The following LRRTM4 variants were observed in gnomAD, a reference collection of about 807,000 sequenced individuals.
The protein encoded by LRRTM4 is leucine rich repeat transmembrane neuronal 4, also known as leucine-rich repeat transmembrane neuronal protein 4.
In LRRTM4, 25 loss-of-function variants were observed where a neutral mutation model predicts 47.6. The observed-to-expected ratio is 0.53, with a 90% CI of 0.38 to 0.73. LRRTM4 has a LOEUF of 0.73. Ranked by LOEUF, LRRTM4 falls within the 30% of genes least tolerant of loss-of-function variation. The probability of loss-of-function intolerance (pLI) is 0.00; values close to 1 mark genes in which losing one functional copy is unlikely to be tolerated. For synonymous variants in LRRTM4, 311 were observed against 269.5 expected, an observed-to-expected ratio of 1.15 and a Z score of -1.51; for missense variants, 638 against 713.4, an observed-to-expected ratio of 0.89 and a Z score of 1.20.
At chr2:76,842,099 C>A (rs1418086371) in intron 3 of LRRTM4, among the ~76,000 whole-genome samples, 1 of 152,122 alleles carries the variant, frequency 6.6e-6, no homozygotes, top group African/African-American at 2.4e-5. Flanking sequence ...CTGAGTGAAG[C>A]AGATGGCCCT....
chr2:77,108,698 C>T (rs2103928800), intron 3 of LRRTM4, among the ~76,000 whole-genome samples: 1 of 151,602 alleles, frequency 6.6e-6, no homozygotes, highest in South Asian at 2.1e-4. Context: ...ATTCTCCTGC[C>T]TCAGCCTCCC....
intron 3 of LRRTM4, among the ~76,000 whole-genome samples, chr2:77,322,950 C>T (rs573005473): frequency 6.6e-6 from 1 of 151,762 alleles, no homozygotes; most frequent in Admixed American, 6.6e-5. Flanking sequence ...AATAAAAACA[C>T]TACAATAGTA....
chr2:77,470,839 C>A (rs1573458211), intron 3 of LRRTM4, among the ~76,000 whole-genome samples: 1 of 152,066 alleles, frequency 6.6e-6, no homozygotes, highest in Admixed American at 6.6e-5. Context: ...CCAGTTTTTT[C>A]AAAAACCATA....
At chr2:77,362,874 A>T (rs1455859779) in intron 3 of LRRTM4, among the ~76,000 whole-genome samples, 1 of 152,158 alleles carries the variant, frequency 6.6e-6, no homozygotes, top group Non-Finnish European at 1.5e-5. Flanking sequence ...TAAAGAACTC[A>T]AGCTGACCGA....
rs183106546 is a variant in LRRTM4, at chr2:77,029,459, T to C, written c.1552-280543A>G. ...AGGCTGAAGAACTTGGAGTCTGATG[T>C]TCGAGAGCAGGAAGCATGCAGCATG... On this transcript the variant is annotated intron_variant, in intron 3 of 3. Coordinates refer to ENST00000409884, the MANE Select transcript of LRRTM4 (RefSeq NM_001134745.3). Among the ~76,000 whole-genome samples, 100 of 151,516 alleles carry C rather than the reference T, an allele frequency of 6.6e-4. 1 individual carries two copies. Among genetic ancestry groups the C allele is most frequent in the African/African-American group, 2.2e-3 (91 of 40,892 alleles).
At chr2:77,029,918 A>G (rs896181594) in intron 3 of LRRTM4, among the ~76,000 whole-genome samples, 6 of 152,194 alleles carry the variant, frequency 3.9e-5, no homozygotes, top group African/African-American at 1.4e-4. Context: ...GGGGGAAATT[A>G]AAACACATTA....
At chr2:76,957,249 G>A (rs1216027769) in intron 3 of LRRTM4, among the ~76,000 whole-genome samples, 5 of 151,754 alleles carry the variant, frequency 3.3e-5, no homozygotes, top group South Asian at 2.1e-4. Flanking sequence ...GGTTACCAGG[G>A]TCTGAAACAG....
At chr2:77,362,134 AAAG>A (rs201222389) in intron 3 of LRRTM4, among the ~76,000 whole-genome samples, 6,289 of 113,884 alleles carry the variant, frequency 0.055, 275 homozygotes, top group East Asian at 0.25. Flanking sequence ...AGAAAGAAAG[AAAG>A]AAAGAAAGAA....
chr2:76,867,117 T>C (rs752539527), intron 3 of LRRTM4, among the ~76,000 whole-genome samples: 2 of 152,034 alleles, frequency 1.3e-5, no homozygotes, highest in Non-Finnish European at 2.9e-5. Context: ...ACCTAATGCA[T>C]GTGGGGGTTA....
chr2:77,283,847 G>T (rs1295037782), intron 3 of LRRTM4, among the ~76,000 whole-genome samples: 1 of 151,866 alleles, frequency 6.6e-6, no homozygotes, highest in African/African-American at 2.4e-5. Flanking sequence ...AAGTGGCAAG[G>T]GTTGAAAAAC....
At chr2:76,756,993 AAAT>A (rs1236252021) in intron 3 of LRRTM4, among the ~76,000 whole-genome samples, 1 of 152,132 alleles carries the variant, frequency 6.6e-6, no homozygotes, top group Non-Finnish European at 1.5e-5. Flanking sequence ...TAAATCTAAA[AAAT>A]AATCTAATTT....
At chr2:76,781,019 G>A (rs559788161) in intron 3 of LRRTM4, among the ~76,000 whole-genome samples, 648 of 149,910 alleles carry the variant, frequency 4.3e-3, no homozygotes, top group African/African-American at 0.015. Context: ...ATACCCTGCC[G>A]TGTGAGGTGT....
chr2:77,480,822 G>GGAGAGAGAGAGAGAGAGA (rs67377276), intron 3 of LRRTM4, among the ~76,000 whole-genome samples: 5 of 74,520 alleles, frequency 6.7e-5, no homozygotes, highest in Non-Finnish European at 9.6e-5. Context: ...GTGTGTGTGT[G>GGAGAGAGAGAGAGAGAGA]GAGAGAGAGA....
chr2:77,020,341 T>C (rs1678221729), intron 3 of LRRTM4, among the ~76,000 whole-genome samples: 1 of 152,254 alleles, frequency 6.6e-6, no homozygotes, highest in South Asian at 2.1e-4. Context: ...CTGCTAATAT[T>C]AGGTTGGTGC....
chr2:77,089,510 A>C (rs1351568336), intron 3 of LRRTM4, among the ~76,000 whole-genome samples: 1 of 133,214 alleles, frequency 7.5e-6, no homozygotes. Context: ...CCTTATTTCC[A>C]TGCCCTGACC....
intron 3 of LRRTM4, among the ~76,000 whole-genome samples, chr2:77,213,401 G>A (rs927863938): frequency 1.3e-5 from 2 of 152,024 alleles, no homozygotes; most frequent in Admixed American, 6.6e-5. Flanking sequence ...ATGGGCCTTA[G>A]ATTCCTCATC....
At chr2:76,870,287 C>G (rs1558703819) in intron 3 of LRRTM4, among the ~76,000 whole-genome samples, 2 of 152,048 alleles carry the variant, frequency 1.3e-5, no homozygotes, top group South Asian at 4.1e-4. Context: ...CTGACAAGGT[C>G]TTTTTGTAAA....
At chr2:76,969,347 C>T (rs141943162) in intron 3 of LRRTM4, among the ~76,000 whole-genome samples, 51 of 151,860 alleles carry the variant, frequency 3.4e-4, no homozygotes, top group Middle Eastern at 3.4e-3. Flanking sequence ...TAGCTGGTGA[C>T]GGACATGGAG....
rs59703273 is a variant in LRRTM4, at chr2:77,078,380, CCACACA to C, written c.1552-329470_1552-329465del. Among the ~76,000 whole-genome samples the C allele has an allele frequency of 6.0e-4, 84 of 139,326 alleles. 1 individual carries two copies. The highest frequency in any genetic ancestry group is 1.6e-3 in the African/African-American group (63 of 38,528). The allele number at this position is 139,326 out of a possible 152,430, so 91.4% of individuals were successfully genotyped here. A position where few individuals can be genotyped will look rare whatever the true frequency, so the allele number is the denominator to read the frequency against. ...ATATGTTTGTCTATTACACACACACCCACACACACACACACACACACACACACATGT... is the reference window on the plus strand; with the variant it reads ...ATATGTTTGTCTATTACACACACACCCACACACACACACACACACACATGT... On this transcript the variant is annotated intron_variant, in intron 3 of 3. Transcript: ENST00000409884.
Sources: gnomAD v4.1 joint callset for allele counts (sites outside exome capture counted in the v4.1 genomes callset) on GRCh38, gnomAD v4.1.1 for gene constraint, MANE v1.5 for transcripts, NCBI Gene and HGNC (gene_info 2026-07-23, HGNC 2026-07-21) for gene names.